BDH1: variants seen among roughly 807,000 people sequenced by gnomAD.
The protein encoded by BDH1 is 3-hydroxybutyrate dehydrogenase 1.
A neutral mutation model predicts 33.1 loss-of-function variants in BDH1; 30 were observed. That is an observed-to-expected ratio of 0.91 (90% confidence interval 0.68 to 1.23). BDH1 has a LOEUF of 1.23. Ranked by LOEUF, BDH1 falls within the 50% of genes most tolerant of loss-of-function variation. The pLI is 0.00. For missense variants in BDH1, 443 were observed against 464.4 expected (o/e 0.95, Z 0.42); for synonymous variants, 190 against 183.6 (o/e 1.03, Z -0.28).
At chr3:197,545,342 G>A (rs1161884348) in intron 3 of BDH1, among the ~76,000 whole-genome samples, 1 of 152,178 alleles carries the variant, frequency 6.6e-6, no homozygotes, top group South Asian at 2.1e-4. Context: ...TGCGGTGAAG[G>A]TTTGGGACAT....
At chr3:197,560,725 C>T (rs1393417053), upstream of BDH1, among the ~76,000 whole-genome samples, 1 of 152,158 alleles carries the variant, frequency 6.6e-6, no homozygotes, top group Non-Finnish European at 1.5e-5. Flanking sequence ...TATCTTGGGG[C>T]CCCCACATCA....
At chr3:197,547,235 C>T (rs766952647) in intron 2 of BDH1, among the ~76,000 whole-genome samples, 7 of 152,242 alleles carry the variant, frequency 4.6e-5, no homozygotes, top group Non-Finnish European at 8.8e-5. Context: ...CGCTGATCAG[C>T]ACGGGCATGC....
At chr3:197,561,651 G>C (rs958509270) in intron 1 of BDH1, among the ~76,000 whole-genome samples, 15 of 151,982 alleles carry the variant, frequency 9.9e-5, no homozygotes, top group Non-Finnish European at 1.5e-4. Flanking sequence ...GTTGTTGTTT[G>C]TTCTGGTTGC....
chr3:197,538,347 T>G (rs1715325340), intron 3 of BDH1: 1 of 454,796 alleles, frequency 2.2e-6, no homozygotes, highest in East Asian at 6.9e-5. Flanking sequence ...TTTTGTTTTT[T>G]GTTTTGTTTT....
chr3:197,531,448 T>C (rs1465964148), intron 5 of BDH1, among the ~76,000 whole-genome samples: 1 of 146,604 alleles, frequency 6.8e-6, no homozygotes, highest in Admixed American at 6.8e-5. Context: ...TGTATATATA[T>C]ATATACATAT....
At chr3:197,537,737 T>C (rs1348541494) in intron 3 of BDH1, among the ~76,000 whole-genome samples, 1 of 152,250 alleles carries the variant, frequency 6.6e-6, no homozygotes, top group African/African-American at 2.4e-5. Flanking sequence ...GTGTGCTAAA[T>C]TTTGCATCTT....
At chr3:197,555,282 C>G (rs1029627882) in intron 1 of BDH1, 9 of 153,580 alleles carry the variant, frequency 5.9e-5, no homozygotes, top group Admixed American at 2.6e-4. Flanking sequence ...GCGGACGGGA[C>G]TGGGAGATTC....
At chr3:197,538,595 G>A (rs1326998470) in intron 3 of BDH1, 14 of 299,446 alleles carry the variant, frequency 4.7e-5, no homozygotes, top group East Asian at 4.3e-4. Context: ...CAGGTGATCC[G>A]CCTGCCTCGG....
chr3:197,512,055 C>A lies in BDH1; in HGVS notation c.872G>T (p.Gly291Val), dbSNP rs775787132. Reference protein sequence around the residue: ...IAKMETYCSSGSTDTSPVIDA... With the variant: ...IAKMETYCSSVSTDTSPVIDA... Reference sequence around the variant, plus strand: ...GATGACAGGGGACGTGTCTGTGGAGCCACTGCTGCAGTAGGTCTCCATCTT... The same window carrying A: ...GATGACAGGGGACGTGTCTGTGGAGACACTGCTGCAGTAGGTCTCCATCTT... Residue 291 changes from glycine (G) to valine (V), a missense_variant, in exon 8 of 8, where the codon GGC becomes GTC. Physicochemically the swap from Gly to Val is moderately radical, Grantham distance 109. Coordinates refer to ENST00000392379, the MANE Select transcript of BDH1 (RefSeq NM_203314.3). 3 of 1,614,038 alleles carry A rather than the reference C, an allele frequency of 1.9e-6. No individual in the cohort carries two copies. The African/African-American group carries it at 4.0e-5, about 22-fold the overall frequency.
intron 3 of BDH1, among the ~76,000 whole-genome samples, chr3:197,542,663 A>G (rs1715750910): frequency 6.6e-6 from 1 of 151,616 alleles, no homozygotes; most frequent in African/African-American, 2.4e-5. Flanking sequence ...AGCTAGGATT[A>G]CAGGCACACG....
chr3:197,535,814 G>A (rs982566704), intron 3 of BDH1, among the ~76,000 whole-genome samples: 13 of 152,254 alleles, frequency 8.5e-5, no homozygotes, highest in African/African-American at 2.9e-4. Context: ...GGAGGCTGAG[G>A]TGGGCAGATT....
chr3:197,544,328 T>C (rs1041850348), intron 3 of BDH1, among the ~76,000 whole-genome samples: 2 of 152,216 alleles, frequency 1.3e-5, no homozygotes, highest in Non-Finnish European at 2.9e-5. Flanking sequence ...TCCAGAAGAT[T>C]CCAAATTCCC....
intron 5 of BDH1, among the ~76,000 whole-genome samples, chr3:197,524,603 G>A (rs1398504715): frequency 1.3e-5 from 2 of 152,314 alleles, no homozygotes; most frequent in South Asian, 4.1e-4. Context: ...CAGCCACAGA[G>A]AACAGAGCCA....
intron 5 of BDH1, chr3:197,530,150 C>T (rs917146730): frequency 2.6e-5 from 4 of 152,138 alleles, no homozygotes; most frequent in Admixed American, 1.3e-4. Flanking sequence ...ATAAAAACAA[C>T]ACTGAGGTAC....
intron 1 of BDH1, among the ~76,000 whole-genome samples, chr3:197,565,164 C>A (rs2108775677): frequency 6.6e-6 from 1 of 152,310 alleles, no homozygotes; most frequent in Non-Finnish European, 1.5e-5. Flanking sequence ...TCGGGTGACC[C>A]ACCTGCCTTG....
At chr3:197,548,871 A>C (rs1218156936) in intron 2 of BDH1, among the ~76,000 whole-genome samples, 1 of 150,782 alleles carries the variant, frequency 6.6e-6, no homozygotes. Flanking sequence ...ATAACAAAAA[A>C]AAACAAAAAA....
At position 197,525,437 on chromosome 3, in the gene BDH1, C is replaced by T. The variant is rs144068767; in HGVS notation, c.268-2656G>A. Among the ~76,000 whole-genome samples the T allele has an allele frequency of 4.6e-5, 7 of 152,322 alleles. No homozygotes were observed. Among genetic ancestry groups the T allele is most frequent in the East Asian group, 1.9e-4 (1 of 5,184 alleles). On this transcript the variant is annotated intron_variant, in intron 5 of 7. Coordinates refer to ENST00000392379, the MANE Select transcript of BDH1 (RefSeq NM_203314.3). This position sits in a 1 kb window ranked among gnomAD's most constrained non-coding sequence, Gnocchi z 4.9. ...TCTCTGGTGCCCCTACACAGCATCA[C>T]GACAAGGTCCCTGCAGTCCTCAGGG...
At chr3:197,552,592 C>T (rs781314395) in intron 2 of BDH1, among the ~76,000 whole-genome samples, 88 of 152,174 alleles carry the variant, frequency 5.8e-4, no homozygotes, top group Non-Finnish European at 1.0e-3. Flanking sequence ...GCTTCAGGGC[C>T]TTTGTCCTTA....
intron 5 of BDH1, among the ~76,000 whole-genome samples, chr3:197,531,488 C>T (rs937530163): frequency 3.2e-4 from 48 of 148,358 alleles, no homozygotes; most frequent in Admixed American, 2.9e-3. Flanking sequence ...AGGCACACAA[C>T]AGAATACCAC....
Sources: allele counts gnomAD v4.1 joint callset (sites outside exome capture counted in the v4.1 genomes callset), GRCh38; gene constraint gnomAD v4.1.1; non-coding constraint Gnocchi (gnomAD v3.1); transcripts MANE v1.5; gene names NCBI Gene and HGNC (gene_info 2026-07-23, HGNC 2026-07-21).